The following RGL1 variants were observed in gnomAD, a reference collection of about 807,000 sequenced individuals.
RGL1 encodes ral guanine nucleotide dissociation stimulator-like 1.
Under a neutral mutation model 95.2 loss-of-function variants are expected in RGL1, and 24 were observed. The ratio of observed to expected loss-of-function variants is 0.25; its 90% CI spans 0.18 to 0.35. The LOEUF (loss-of-function observed/expected upper bound fraction) is 0.35. Ranked by LOEUF, RGL1 falls within the 10% of genes least tolerant of loss-of-function variation. The pLI is 1.00. For synonymous variants in RGL1, 329 were observed against 344.9 expected, an observed-to-expected ratio of 0.95 and a Z score of 0.51; for missense variants, 715 against 936.3, an observed-to-expected ratio of 0.76 and a Z score of 3.08.
chr1:183,924,641 T>A (rs1669507648), intron 17 of RGL1, among the ~76,000 whole-genome samples: 1 of 151,430 alleles, frequency 6.6e-6, no homozygotes. Context: ...AAATAAAAAT[T>A]AAAAAACAAA....
intron 8 of RGL1, among the ~76,000 whole-genome samples, chr1:183,890,374 C>T (rs1469862317): frequency 2.0e-5 from 3 of 152,152 alleles, no homozygotes; most frequent in Non-Finnish European, 4.4e-5. Context: ...AAGATTTATT[C>T]TAGCTGGCTT....
chr1:183,868,402 C>A (rs1452197830), intron 4 of RGL1, among the ~76,000 whole-genome samples: 1 of 152,124 alleles, frequency 6.6e-6, no homozygotes, highest in African/African-American at 2.4e-5. Context: ...GGTGATTTTT[C>A]AGAATGGGTT....
intron 1 of RGL1, among the ~76,000 whole-genome samples, chr1:183,705,145 C>T (rs188446712): frequency 8.6e-5 from 13 of 152,020 alleles, no homozygotes; most frequent in Admixed American, 2.0e-4. Context: ...CTTGGTATAA[C>T]GGTTTGGTGA....
intron 2 of RGL1, among the ~76,000 whole-genome samples, chr1:183,840,839 C>T (rs1158577422): frequency 6.6e-6 from 1 of 152,068 alleles, no homozygotes; most frequent in Non-Finnish European, 1.5e-5. Flanking sequence ...CTGCATTGAA[C>T]CCTGATTGCA....
chr1:183,921,966 A>G (rs1305888270), intron 16 of RGL1, among the ~76,000 whole-genome samples: 3 of 152,224 alleles, frequency 2.0e-5, no homozygotes, highest in African/African-American at 7.2e-5. Flanking sequence ...TAGGCAAGGA[A>G]AGCGTTCTCT....
At chr1:183,897,760 T>A in intron 9 of RGL1, 48 bp from the exon 10 acceptor site, 1 of 1,387,606 alleles carries the variant, frequency 7.2e-7, no homozygotes, top group African/African-American at 1.4e-5. Flanking sequence ...CTTCTTACCA[T>A]TGTGGCATCC....
At chr1:183,660,361 A>G (rs1651522258) in intron 1 of RGL1, among the ~76,000 whole-genome samples, 1 of 151,812 alleles carries the variant, frequency 6.6e-6, no homozygotes, top group African/African-American at 2.4e-5. Context: ...GGATGGAGAA[A>G]GATCTACCAA....
chr1:183,668,090 C>T (rs1407758422), intron 1 of RGL1, among the ~76,000 whole-genome samples: 3 of 151,840 alleles, frequency 2.0e-5, no homozygotes, highest in East Asian at 1.9e-4. Flanking sequence ...AGATCAATTA[C>T]GAATAAAAAA....
At chr1:183,705,852 G>A (rs1654880931) in intron 1 of RGL1, among the ~76,000 whole-genome samples, 1 of 152,184 alleles carries the variant, frequency 6.6e-6, no homozygotes, top group African/African-American at 2.4e-5. Flanking sequence ...CAGAGTAGGT[G>A]ACTGACAAGG....
chr1:183,686,301 T>C (rs1191258354), intron 1 of RGL1, among the ~76,000 whole-genome samples: 1 of 152,146 alleles, frequency 6.6e-6, no homozygotes, highest in African/African-American at 2.4e-5. Context: ...CCATTTACAG[T>C]CTGGTGTATT....
chr1:183,754,720 G>A (rs1658228343), intron 2 of RGL1: 1 of 152,208 alleles, frequency 6.6e-6, no homozygotes, highest in African/African-American at 2.4e-5. Context: ...GATGTGTGAT[G>A]GGGAGATGTA....
chr1:183,832,103 G>A (rs1663299946), intron 2 of RGL1, among the ~76,000 whole-genome samples: 1 of 152,148 alleles, frequency 6.6e-6, no homozygotes, highest in Admixed American at 6.6e-5. Flanking sequence ...AAGACTAGAG[G>A]CAAGTGAGAC....
intron 1 of RGL1, among the ~76,000 whole-genome samples, chr1:183,667,423 C>CA (rs1652118562): frequency 6.6e-6 from 1 of 152,090 alleles, no homozygotes; most frequent in East Asian, 1.9e-4. Context: ...CTCCTAGGTT[C>CA]AAGCGATTCT....
chr1:183,676,569 T>C (rs1313250994), intron 1 of RGL1, among the ~76,000 whole-genome samples: 1 of 151,762 alleles, frequency 6.6e-6, no homozygotes, highest in African/African-American at 2.4e-5. Flanking sequence ...TCCCTAGCTA[T>C]GTTCTAACTG....
intron 1 of RGL1, among the ~76,000 whole-genome samples, chr1:183,688,071 G>A (rs1340809291): frequency 6.6e-6 from 1 of 152,058 alleles, no homozygotes; most frequent in Non-Finnish European, 1.5e-5. Flanking sequence ...TCTGTTGGTG[G>A]TTTAGGATGA....
chr1:183,828,699 G>C (rs558596433), intron 2 of RGL1, among the ~76,000 whole-genome samples: 2 of 152,300 alleles, frequency 1.3e-5, no homozygotes, highest in South Asian at 4.1e-4. Context: ...TCGAATATTA[G>C]ACACAACCAA....
Position 183,760,568 on chromosome 1 carries a change from C to CAA in RGL1, c.132+18303_132+18304dup, listed in dbSNP as rs58715145. On this transcript the variant is annotated intron_variant, in intron 2 of 18. Transcript: ENST00000304685. ...GCCATATAGCAAGATCCAGTCTCTG[C>CAA]AAAAAAAAAAAAAAAAAAAAAAAAA... 2.4e-3 allele frequency among the ~76,000 whole-genome samples: 119 copies of CAA among 50,592 alleles called. 2 individuals are homozygous for CAA. Among genetic ancestry groups the CAA allele is most frequent in the African/African-American group, 4.7e-3 (58 of 12,394 alleles). The allele number at this position is 50,592 out of a possible 152,430, so 33.2% of individuals were successfully genotyped here.
In RGL1 at chr1:183,926,213, G is replaced by A. The variant is rs200168009; in HGVS notation, c.2228G>A (p.Arg743His). The A allele has an allele frequency of 9.3e-6, 15 of 1,613,828 alleles. No homozygotes were observed. Among genetic ancestry groups the A allele is most frequent in the Admixed American group, 3.3e-5 (2 of 59,976 alleles). ...TCCATGGAAGAACAAGTGAAACTGC[G>A]TAGCCGGACCAGCTTGACGTTGCCC... Reference protein sequence around the residue: ...KNSMEEQVKLRSRTSLTLPRT... With the variant: ...KNSMEEQVKLHSRTSLTLPRT... The change falls in exon 18 of 18, where the codon CGT becomes CAT. Residue 743 changes from arginine (R) to histidine (H), a missense_variant. By Grantham distance (29) the Arg-to-His change is conservative. Transcript: ENST00000360851.
chr1:183,877,951 C>T (rs1030420391), intron 4 of RGL1, among the ~76,000 whole-genome samples: 10 of 152,140 alleles, frequency 6.6e-5, no homozygotes, highest in East Asian at 1.9e-4. Flanking sequence ...AATACCCACA[C>T]GAGCATGCAG....
Sources: allele counts gnomAD v4.1 joint callset (sites outside exome capture counted in the v4.1 genomes callset), GRCh38; gene constraint gnomAD v4.1.1; transcripts MANE v1.5; gene names NCBI Gene and HGNC (gene_info 2026-07-23, HGNC 2026-07-21).